The following FRAS1 variants were observed in gnomAD, a reference collection of about 807,000 sequenced individuals.
The protein encoded by FRAS1 is Fraser extracellular matrix complex subunit 1.
FRAS1 carries 290 observed loss-of-function variants against 435.2 expected under a neutral mutation model. The ratio of observed to expected loss-of-function variants is 0.67; its 90% CI spans 0.61 to 0.73. The LOEUF (loss-of-function observed/expected upper bound fraction) is 0.73, where lower values mean the gene tolerates loss of function less well. Among genes scored for constraint, FRAS1 ranks in the 30% least tolerant of loss-of-function variants. The probability of loss-of-function intolerance (pLI) is 0.00; values close to 1 mark genes in which losing one functional copy is unlikely to be tolerated. For missense variants in FRAS1, 4,860 were observed against 5,001.5 expected (o/e 0.97, Z 0.85); for synonymous variants, 1,800 against 1,851.0 (o/e 0.97, Z 0.71).
chr4:78,268,727 T>C (rs577411359), intron 9 of FRAS1, among the ~76,000 whole-genome samples: 63 of 152,226 alleles, frequency 4.1e-4, no homozygotes, highest in Non-Finnish European at 8.5e-4. Flanking sequence ...CCCTAGCATT[T>C]CTGCATTTCC....
chr4:78,382,789 A>C (rs1447464713), intron 27 of FRAS1, among the ~76,000 whole-genome samples: 6 of 152,206 alleles, frequency 3.9e-5, no homozygotes, highest in Non-Finnish European at 8.8e-5. Flanking sequence ...CCGTAACCCC[A>C]AAAGTCTTTT....
At chr4:78,255,221 C>G in intron 5 of FRAS1, 21 bp from the exon 6 acceptor site, 1 of 1,551,618 alleles carries the variant, frequency 6.4e-7, no homozygotes, top group East Asian at 2.4e-5. Context: ...CCTAGTAATC[C>G]TTGTTTCTTT....
intron 2 of FRAS1, among the ~76,000 whole-genome samples, chr4:78,173,485 T>C (rs1166035002): frequency 6.6e-6 from 1 of 152,184 alleles, no homozygotes; most frequent in African/African-American, 2.4e-5. Flanking sequence ...TGAGACTCCC[T>C]CACTTGCATC....
intron 1 of FRAS1, 46 bp from the exon 2 acceptor site, chr4:78,065,939 G>A (rs775143406): frequency 6.7e-7 from 1 of 1,496,882 alleles, no homozygotes; most frequent in South Asian, 1.2e-5. Context: ...GTGCCTATTG[G>A]TTTATTATGC....
At chr4:78,439,307 C>G (rs1052243221) in intron 40 of FRAS1, among the ~76,000 whole-genome samples, 1 of 152,078 alleles carries the variant, frequency 6.6e-6, no homozygotes, top group African/African-American at 2.4e-5. Context: ...GTGCTAGCCA[C>G]CATGCTAAAT....
At position 78,255,390 on chromosome 4, in the gene FRAS1, C is replaced by G; in HGVS notation, c.603+15C>G. The G allele has an allele frequency of 6.3e-7, 1 of 1,581,982 alleles. No homozygotes were observed. Among genetic ancestry groups the G allele is most frequent in the Non-Finnish European group, 8.6e-7 (1 of 1,162,712 alleles). ...TTTGTAACCAGGTAAGGAAGACAAC[C>G]TCAGCATGCAGCCTTCACGGGCTAT... On this transcript the variant is annotated intron_variant, in intron 6 of 73. Transcript: ENST00000512123.
chr4:78,239,522 G>A (rs1034548373), intron 3 of FRAS1, among the ~76,000 whole-genome samples: 6 of 152,062 alleles, frequency 3.9e-5, no homozygotes, highest in Non-Finnish European at 8.8e-5. Flanking sequence ...ATTGAACTCA[G>A]ATCATGTTGC....
intron 33 of FRAS1, among the ~76,000 whole-genome samples, chr4:78,421,243 G>A (rs1733777869): frequency 6.6e-6 from 1 of 152,118 alleles, no homozygotes; most frequent in African/African-American, 2.4e-5. Flanking sequence ...CACCTCCTGG[G>A]TTCAAGGGAT....
At chr4:78,462,832 T>A (rs949818056) in intron 47 of FRAS1, among the ~76,000 whole-genome samples, 2 of 152,224 alleles carry the variant, frequency 1.3e-5, no homozygotes, top group East Asian at 3.8e-4. Flanking sequence ...CTCTTGTATC[T>A]GGGTGACAAA....
intron 2 of FRAS1, among the ~76,000 whole-genome samples, chr4:78,142,459 C>G (rs908043685): frequency 5.9e-5 from 9 of 151,710 alleles, no homozygotes; most frequent in African/African-American, 2.2e-4. Context: ...TATGAGTAGA[C>G]AAGATGTAAC....
chr4:78,162,669 C>A (rs1721189059), intron 2 of FRAS1, among the ~76,000 whole-genome samples: 1 of 152,188 alleles, frequency 6.6e-6, no homozygotes, highest in Admixed American at 6.5e-5. Flanking sequence ...TATTCCATTT[C>A]TGTCACTGCC....
At chr4:78,464,183 G>T in intron 48 of FRAS1, 38 bp downstream of exon 48, 1 of 1,583,884 alleles carries the variant, frequency 6.3e-7, no homozygotes. Flanking sequence ...GAAAAGTATT[G>T]ATTCCTCGCC....
intron 2 of FRAS1, among the ~76,000 whole-genome samples, chr4:78,192,904 G>A (rs971546273): frequency 2.0e-5 from 3 of 152,126 alleles, no homozygotes; most frequent in African/African-American, 7.2e-5. Context: ...TCTCTTGTGG[G>A]CATTTGGTAC....
chr4:78,393,168 A>T (rs992537225), intron 29 of FRAS1, among the ~76,000 whole-genome samples: 1 of 151,978 alleles, frequency 6.6e-6, no homozygotes, highest in Admixed American at 6.6e-5. Context: ...AACCTCATAA[A>T]GTTTTCTCCT....
intron 36 of FRAS1, 59 bp from the exon 37 acceptor site, chr4:78,430,233 A>G: frequency 1.2e-6 from 2 of 1,607,720 alleles, no homozygotes; most frequent in Non-Finnish European, 1.7e-6. Flanking sequence ...TTTAATATAT[A>G]GTCTATCGTC....
At chr4:78,211,941 C>A (rs183585653) in intron 2 of FRAS1, among the ~76,000 whole-genome samples, 1 of 152,292 alleles carries the variant, frequency 6.6e-6, no homozygotes, top group East Asian at 1.9e-4. Flanking sequence ...GAAATGGAAT[C>A]ATACAAGATC....
At chr4:78,516,138 C>T (rs1442984685) in intron 66 of FRAS1, 125 bp downstream of exon 66, 1 of 673,480 alleles carries the variant, frequency 1.5e-6, no homozygotes, top group Admixed American at 3.2e-5. Context: ...AGGGAGTCTT[C>T]TTTATAAGTC....
chr4:78,472,585 C>A (rs946573853), intron 52 of FRAS1, among the ~76,000 whole-genome samples: 1 of 152,096 alleles, frequency 6.6e-6, no homozygotes, highest in Admixed American at 6.6e-5. Context: ...TAAGTGTTGG[C>A]CAGGTTTTCT....
Position 78,333,386 on chromosome 4 carries a change from A to C in FRAS1, c.2252A>C (p.Tyr751Ser). ...GQCLSQCPDGYFHQEGSCTEC... is the reference protein window; with the variant it reads ...GQCLSQCPDGSFHQEGSCTEC... ...TGCCTCTCCCAGTGCCCAGATGGCTACTTTCACCAGGAAGGTAGTTGCACA... is the reference window on the plus strand; with the variant it reads ...TGCCTCTCCCAGTGCCCAGATGGCTCCTTTCACCAGGAAGGTAGTTGCACA... Residue 751 changes from tyrosine (Y) to serine (S), a missense_variant, in exon 19 of 74, where the codon TAC becomes TCC. Physicochemically the swap from Tyr to Ser is moderately radical, Grantham distance 144 (BLOSUM62 -2). Coordinates refer to ENST00000512123, the MANE Select transcript of FRAS1 (RefSeq NM_025074.7). 6.2e-7 allele frequency: 1 copy of C among 1,611,844 alleles called. No individual in the cohort carries two copies. The highest frequency in any genetic ancestry group is 1.1e-5 in the South Asian group (1 of 90,292).
Sources: gnomAD v4.1 joint callset for allele counts (sites outside exome capture counted in the v4.1 genomes callset) on GRCh38, gnomAD v4.1.1 for gene constraint, MANE v1.5 for transcripts, NCBI Gene and HGNC (gene_info 2026-07-23, HGNC 2026-07-21) for gene names.